Variants in PLPPR3 observed in about 807,000 individuals in gnomAD.
PLPPR3 encodes phospholipid phosphatase-related protein type 3.
A neutral mutation model predicts 27.3 loss-of-function variants in PLPPR3; 14 were observed. The ratio of observed to expected loss-of-function variants is 0.51; its 90% CI spans 0.34 to 0.80. The LOEUF (loss-of-function observed/expected upper bound fraction) is 0.80. PLPPR3 is among the 30% of genes least tolerant of loss of function. The pLI, the probability that PLPPR3 is intolerant of heterozygous loss-of-function variation, is 0.01. For synonymous variants in PLPPR3, 671 were observed against 508.0 expected (o/e 1.32, Z -4.32); for missense variants, 1,287 against 1,056.9 (o/e 1.22, Z -3.02).
chr19:813,233 C>G lies in PLPPR3; in HGVS notation c.1494G>C (p.Glu498Asp). The G allele has an allele frequency of 6.7e-7, 1 of 1,493,790 alleles. No individual in the cohort carries two copies. The highest frequency in any genetic ancestry group is 8.8e-7 in the Non-Finnish European group (1 of 1,132,730). The allele number at this position is 1,493,790 out of a possible 1,614,324, so 92.5% of individuals were successfully genotyped here. The part of the protein sequence containing the change: ...AGPPPLVHIP[E>D]EGAQTGAGLS... ...GGCCGGCCCCCGTCTGCGCGCCCTCCTCCGGGATGTGCACCAGCGGCGGCG... is the reference window on the plus strand; with the variant it reads ...GGCCGGCCCCCGTCTGCGCGCCCTCGTCCGGGATGTGCACCAGCGGCGGCG... Residue 498 changes from glutamate (E) to aspartate (D), a missense_variant, in exon 8 of 8, where the codon GAG becomes GAC. Glu to Asp is a conservative substitution (Grantham distance 45, BLOSUM62 2). Transcript: ENST00000520876. The surrounding 1 kb of genome is among the most constrained non-coding windows in gnomAD (Gnocchi z 4.1).
In PLPPR3 at chr19:815,249, C is replaced by T. The variant is rs904882797; in HGVS notation, c.340G>A (p.Gly114Ser). 7.0e-6 allele frequency: 11 copies of T among 1,576,972 alleles called. No individual in the cohort carries two copies. The highest frequency in any genetic ancestry group is 2.3e-5 in the South Asian group (2 of 86,970). Reference sequence around the variant, plus strand: ...TTGCAGCCGCCGGCGTTGATGCTGCCCTCCGCCCCGGCGGGCCCCCCGGCA... The same window carrying T: ...TTGCAGCCGCCGGCGTTGATGCTGCTCTCCGCCCCGGCGGGCCCCCCGGCA... The part of the protein sequence containing the change: ...GRAGGPAGAE[G>S]SINAGGCNFN... Residue 114 changes from glycine to serine, a missense_variant, in exon 4 of 8, where the codon GGC becomes AGC. Gly to Ser is a moderately conservative substitution (Grantham distance 56). Transcript: ENST00000520876.
At position 813,429 on chromosome 19, in the gene PLPPR3, C is replaced by T; in HGVS notation, c.1298G>A (p.Arg433His). ...LPDDASPGHLRAPAEPMAEEE... is the reference protein window; with the variant it reads ...LPDDASPGHLHAPAEPMAEEE... ...CTCCGCCATGGGTTCGGCGGGCGCG[C>T]GCAGGTGCCCGGGGCTGGCGTCGTC... The change falls in exon 8 of 8, where the codon CGC (arginine) becomes CAC (histidine). Residue 433 changes from arginine to histidine, a missense_variant. Physicochemically the swap from Arg to His is conservative, Grantham distance 29. Coordinates refer to ENST00000520876, the MANE Select transcript of PLPPR3 (RefSeq NM_001270366.2). This position sits in a 1 kb window ranked among gnomAD's most constrained non-coding sequence, Gnocchi z 4.1. The T allele has an allele frequency of 6.6e-7, 1 of 1,511,070 alleles. No homozygotes were observed. Among genetic ancestry groups the T allele is most frequent in the Non-Finnish European group, 8.8e-7 (1 of 1,136,714 alleles). The allele number at this position is 1,511,070 out of a possible 1,614,324, so 93.6% of individuals were successfully genotyped here.
chr19:814,307 C>T, intron 7 of PLPPR3, 127 bp downstream of exon 7: 1 of 923,788 alleles, frequency 1.1e-6, no homozygotes, highest in South Asian at 1.7e-5. Flanking sequence ...CTGTCAGACC[C>T]CCTGAGCCTG....
At chr19:821,825 C>T in intron 1 of PLPPR3, 90 bp downstream of exon 1, 1 of 330,376 alleles carries the variant, frequency 3.0e-6, no homozygotes. Flanking sequence ...GGAGCCAGTC[C>T]CCGCGTGGTG....
chr19:814,927 G>A lies in PLPPR3; in HGVS notation c.558C>T (p.Asp186=), dbSNP rs760947158. Residue 186 remains aspartate, a synonymous_variant, in exon 5 of 8, where the codon GAC becomes GAT. Coordinates refer to ENST00000520876, the MANE Select transcript of PLPPR3 (RefSeq NM_001270366.2). The part of the protein sequence containing the change: ...SCEVNPYITQ[D]ICSGHDIHAI... ...CGTGGATGTCGTGGCCGGAGCAGAT[G>A]TCCTGCGTGATGTAGGGGTTGACCT... 16 of 1,612,010 alleles carry A rather than the reference G, an allele frequency of 9.9e-6. No homozygotes were observed. The highest frequency in any genetic ancestry group is 1.4e-5 in the Non-Finnish European group (16 of 1,179,952).
intron 5 of PLPPR3, 52 bp from the exon 6 acceptor site, chr19:814,801 G>C: frequency 6.4e-7 from 1 of 1,562,062 alleles, no homozygotes; most frequent in Non-Finnish European, 8.6e-7. Context: ...CCCAGCTCCA[G>C]TGGCCTCTCT....
rs1442542821 is a variant in PLPPR3, at chr19:812,652, C to A, written c.2075G>T (p.Gly692Val). ...RESTLRRHAGGLGLAEREAEA... is the reference protein window; with the variant it reads ...RESTLRRHAGVLGLAEREAEA... Reference sequence around the variant, plus strand: ...CGCCTCGCGCTCCGCCAGCCCCAGGCCGCCCGCGTGGCGCCGCAGCGTGGA... The same window carrying A: ...CGCCTCGCGCTCCGCCAGCCCCAGGACGCCCGCGTGGCGCCGCAGCGTGGA... Residue 692 changes from glycine (G) to valine (V), a missense_variant, in exon 8 of 8, where the codon GGC (glycine) becomes GTC (valine). Transcript: ENST00000520876. 4 of 1,081,786 alleles carry A rather than the reference C, an allele frequency of 3.7e-6. No homozygotes were observed. The highest frequency in any genetic ancestry group is 2.6e-5 in the South Asian group (1 of 38,328). The allele number at this position is 1,081,786 out of a possible 1,614,324, so 67.0% of individuals were successfully genotyped here.
intron 5 of PLPPR3, 30 bp downstream of exon 5, chr19:814,856 C>T (rs766740271): frequency 5.1e-5 from 81 of 1,598,288 alleles, no homozygotes; most frequent in Non-Finnish European, 6.7e-5. Context: ...AAGAAGGCTC[C>T]CAGTCAGGGG....
chr19:813,447 G>A lies in PLPPR3; in HGVS notation c.1280C>T (p.Ala427Val). ...GGGCGCGCGCAGGTGCCCGGGGCTGGCGTCGTCGGGCAGCCCCAGGCCGCG... is the reference window on the plus strand; with the variant it reads ...GGGCGCGCGCAGGTGCCCGGGGCTGACGTCGTCGGGCAGCCCCAGGCCGCG... ...EGRGLGLPDDASPGHLRAPAE... is the reference protein window; with the variant it reads ...EGRGLGLPDDVSPGHLRAPAE... The change falls in exon 8 of 8, where the codon GCC becomes GTC. Residue 427 changes from alanine (A) to valine (V), a missense_variant. Transcript: ENST00000520876. This position sits in a 1 kb window ranked among gnomAD's most constrained non-coding sequence, Gnocchi z 4.1. The A allele has an allele frequency of 6.5e-7, 1 of 1,527,858 alleles. No homozygotes were observed. The highest frequency in any genetic ancestry group is 2.5e-5 in the East Asian group (1 of 40,210). The allele number at this position is 1,527,858 out of a possible 1,614,324, so 94.6% of individuals were successfully genotyped here.
In PLPPR3 at chr19:814,524, T is replaced by A. The variant is rs748107778; in HGVS notation, c.741A>T (p.Val247=). Residue 247 remains valine, a synonymous_variant, in exon 7 of 8, where the codon GTA becomes GTT. Transcript: ENST00000520876. ...ACTGCGTGATCTGCGTGAGCCCGCA[T>A]ACGCCCGCGGCGATGGCAAAGGCGA... The part of the protein sequence containing the change: ...LVFAFAIAAG[V]CGLTQITQYR... The A allele has an allele frequency of 1.9e-6, 3 of 1,611,610 alleles. No individual in the cohort carries two copies. Among genetic ancestry groups the A allele is most frequent in the African/African-American group, 1.3e-5 (1 of 74,918 alleles).
At chr19:823,693 C>G (rs537300978), upstream of PLPPR3, among the ~76,000 whole-genome samples, 279 of 152,294 alleles carry the variant, frequency 1.8e-3, no homozygotes, top group Non-Finnish European at 2.6e-3. Context: ...TTTGGCCCCC[C>G]GGTTCCTGCA....
At position 814,599 on chromosome 19, in the gene PLPPR3, G is replaced by A. The variant is rs2035017995; in HGVS notation, c.666C>T (p.Phe222=). The A allele has an allele frequency of 4.3e-6, 7 of 1,611,924 alleles. No individual in the cohort carries two copies. The highest frequency in any genetic ancestry group is 5.1e-6 in the Non-Finnish European group (6 of 1,179,986). The part of the protein sequence containing the change: ...AFAAVYVSMY[F]NSVISDTTKL... ...TGGTGGTGTCCGAGATGACCGAGTT[G>A]AAGTACATCTGGGGCATGGGGGTTG... The change falls in exon 7 of 8, where the codon TTC becomes TTT. Residue 222 remains phenylalanine, a synonymous_variant. Transcript: ENST00000520876.
In PLPPR3 at chr19:813,351, T is replaced by G; in HGVS notation, c.1376A>C (p.Glu459Ala). 6.8e-7 allele frequency: 1 copy of G among 1,478,974 alleles called. No individual in the cohort carries two copies. Among genetic ancestry groups the G allele is most frequent in the Non-Finnish European group, 8.9e-7 (1 of 1,122,910 alleles). The allele number at this position is 1,478,974 out of a possible 1,614,324, so 91.6% of individuals were successfully genotyped here. Residue 459 changes from glutamate (E) to alanine (A), a missense_variant, in exon 8 of 8, where the codon GAG (glutamate) becomes GCG (alanine). Physicochemically the swap from Glu to Ala is moderately radical, Grantham distance 107 (BLOSUM62 -1). Coordinates refer to ENST00000520876, the MANE Select transcript of PLPPR3 (RefSeq NM_001270366.2). The surrounding 1 kb of genome is among the most constrained non-coding windows in gnomAD (Gnocchi z 4.1). ...CGAGGGCGGGGCCGGGCCCTCGTCC[T>G]CCTCCTCTTCCTCCTCCTCCTCTTC... is the stretch of plus-strand genomic sequence containing the variant. The part of the protein sequence containing the change: ...EEEEEEEEEE[E>A]DEGPAPPSLY...
chr19:812,496 T>C lies in PLPPR3; in HGVS notation c.*74A>G. ...TGACCAAGAGCCGGACCTCGGTTTC[T>C]GCCGCTTTATTGAGCATCCGCGCGG... On this transcript the variant is annotated 3_prime_UTR_variant, in exon 8 of 8. Transcript: ENST00000520876. 7.2e-6 allele frequency: 7 copies of C among 978,942 alleles called. No homozygotes were observed. The highest frequency in any genetic ancestry group is 7.3e-6 in the Non-Finnish European group (6 of 822,470). 60.6% of individuals were successfully genotyped at this position (978,942 alleles called of 1,614,324 possible). A position where few individuals can be genotyped will look rare whatever the true frequency, so the allele number is the denominator to read the frequency against.
At chr19:817,252 A>G (rs1481100806) in intron 2 of PLPPR3, among the ~76,000 whole-genome samples, 1 of 152,046 alleles carries the variant, frequency 6.6e-6, no homozygotes, top group Admixed American at 6.6e-5. Flanking sequence ...TGCTGGGATT[A>G]GAGGCGTGAG....
At position 821,891 on chromosome 19, in the gene PLPPR3, G is replaced by A. The variant is rs1859439; in HGVS notation, c.-27+24C>T. ...GGGCGGCGGAGGAGACTGGGTCCGC[G>A]CCCCCAGCCCCACAGCCCCTCACCT... On this transcript the variant is annotated intron_variant, in intron 1 of 7. Coordinates refer to ENST00000520876, the MANE Select transcript of PLPPR3 (RefSeq NM_001270366.2). 39,403 of 202,392 alleles carry A rather than the reference G, an allele frequency of 0.19. 4,480 individuals are homozygous for A. Among genetic ancestry groups the A allele is most frequent in the Middle Eastern group, 0.25 (138 of 558 alleles). The allele number at this position is 202,392 out of a possible 1,614,324, so 12.5% of individuals were successfully genotyped here.
chr19:816,218 CCCATCCAT>C (rs1217426619), intron 2 of PLPPR3, among the ~76,000 whole-genome samples: 2 of 150,634 alleles, frequency 1.3e-5, no homozygotes, highest in East Asian at 3.9e-4. Flanking sequence ...CCCAACGGTA[CCCATCCAT>C]CCATCCATCC....
At chr19:815,884 C>G (rs1324864474) in intron 2 of PLPPR3, 33 bp from the exon 3 acceptor site, 1 of 1,601,410 alleles carries the variant, frequency 6.2e-7, no homozygotes, top group Non-Finnish European at 8.5e-7. Context: ...GTTCACCCTG[C>G]TCTCCCTCGC....
Position 815,651 on chromosome 19 carries a change from G to C in PLPPR3, c.261+15C>G. 1 of 1,563,370 alleles carries C rather than the reference G, an allele frequency of 6.4e-7. No homozygotes were observed. The highest frequency in any genetic ancestry group is 8.7e-7 in the Non-Finnish European group (1 of 1,155,946). The stretch of plus-strand genomic sequence containing the variant: ...GTGCCCACAGGCTGGCACAGGCCCC[G>C]GTGCAGGTGCTCACCGAGGCGGCAG... On this transcript the variant is annotated intron_variant, in intron 3 of 7. Transcript: ENST00000520876.
Sources: gnomAD v4.1 joint callset for allele counts (sites outside exome capture counted in the v4.1 genomes callset) on GRCh38, gnomAD v4.1.1 for gene constraint, Gnocchi (gnomAD v3.1) non-coding constraint, MANE v1.5 for transcripts, NCBI Gene and HGNC (gene_info 2026-07-23, HGNC 2026-07-21) for gene names.